Variants in SNTG2 observed in about 807,000 individuals in gnomAD.
The protein encoded by SNTG2 is syntrophin gamma 2, also known as gamma-2-syntrophin.
In SNTG2, 74 loss-of-function variants were observed where a neutral mutation model predicts 70.9. The observed-to-expected ratio is 1.04, with a 90% CI of 0.86 to 1.27. The LOEUF is 1.27. Among genes scored for constraint, SNTG2 ranks in the 50% most tolerant of loss-of-function variants. The probability of loss-of-function intolerance (pLI) is 0.00; values close to 1 mark genes in which losing one functional copy is unlikely to be tolerated. For missense variants in SNTG2, 717 were observed against 690.7 expected (o/e 1.04, Z -0.43); for synonymous variants, 278 against 273.8 (o/e 1.02, Z -0.15).
At chr2:1,210,879 A>G (rs760206823) in intron 9 of SNTG2, among the ~76,000 whole-genome samples, 3 of 152,334 alleles carry the variant, frequency 2.0e-5, no homozygotes, top group Non-Finnish European at 2.9e-5. Context: ...CCAATAGGCT[A>G]TACCATGTAG....
chr2:1,317,040 G>A (rs113533929), intron 16 of SNTG2, among the ~76,000 whole-genome samples: 2 of 90,698 alleles, frequency 2.2e-5, no homozygotes, highest in Admixed American at 1.2e-4. Flanking sequence ...GGATTCTGGA[G>A]CATTTAGCAT....
At chr2:1,146,641 G>C (rs140838879) in intron 6 of SNTG2, among the ~76,000 whole-genome samples, 1 of 152,176 alleles carries the variant, frequency 6.6e-6, no homozygotes, top group African/African-American at 2.4e-5. Context: ...CTGATTATAA[G>C]ACTTACTATA....
intron 1 of SNTG2, among the ~76,000 whole-genome samples, chr2:1,011,755 T>G (rs1352899085): frequency 6.7e-6 from 1 of 150,214 alleles, no homozygotes; most frequent in African/African-American, 2.4e-5. Flanking sequence ...ATCATTTTCA[T>G]TGGACTTTAA....
At chr2:1,059,136 C>G (rs560869828) in intron 1 of SNTG2, 5 of 152,234 alleles carry the variant, frequency 3.3e-5, no homozygotes, top group Non-Finnish European at 7.3e-5. Flanking sequence ...TCTTGCAGTG[C>G]CCTTTGCTTA....
chr2:999,202 C>A (rs1289410360), intron 1 of SNTG2, among the ~76,000 whole-genome samples: 2 of 152,034 alleles, frequency 1.3e-5, no homozygotes, highest in African/African-American at 4.8e-5. Context: ...AGAAAACTCA[C>A]AGGTCTTATA....
chr2:1,304,065 A>T (rs1395822634), intron 14 of SNTG2, among the ~76,000 whole-genome samples: 1 of 152,236 alleles, frequency 6.6e-6, no homozygotes, highest in Non-Finnish European at 1.5e-5. Flanking sequence ...ATCTTCTAGA[A>T]GAAAAAAGGA....
At chr2:1,086,770 A>G (rs1163272598) in intron 2 of SNTG2, among the ~76,000 whole-genome samples, 1 of 152,218 alleles carries the variant, frequency 6.6e-6, no homozygotes, top group Non-Finnish European at 1.5e-5. Context: ...ATGTTTCAAA[A>G]CATGAAATAG....
At chr2:951,617 T>C (rs1237036493) in intron 1 of SNTG2, among the ~76,000 whole-genome samples, 1 of 152,214 alleles carries the variant, frequency 6.6e-6, no homozygotes, top group Non-Finnish European at 1.5e-5. Context: ...TTTTTTGAAG[T>C]CTATTCTGGT....
At chr2:1,116,226 G>A (rs993265485) in intron 4 of SNTG2, among the ~76,000 whole-genome samples, 3 of 152,302 alleles carry the variant, frequency 2.0e-5, no homozygotes, top group African/African-American at 7.2e-5. Context: ...CAGAGCTATC[G>A]ATTGCTACCT....
chr2:1,154,457 T>C (rs934968318), intron 6 of SNTG2, among the ~76,000 whole-genome samples: 6 of 152,184 alleles, frequency 3.9e-5, no homozygotes, highest in African/African-American at 1.4e-4. Context: ...TAGAAAGTTC[T>C]ACATATATGT....
At chr2:1,361,842 C>T (rs1355136052) in intron 16 of SNTG2, among the ~76,000 whole-genome samples, 3 of 107,468 alleles carry the variant, frequency 2.8e-5, no homozygotes, top group African/African-American at 1.0e-4. Context: ...GTCACGGATG[C>T]TGAGCATTTC....
rs1339196404 is a variant in SNTG2 at position 1,137,627 on chromosome 2, C to T, written c.331C>T (p.Gln111Ter). ...CCACTTTTGCCACCCTGCAGCTGAC[C>T]AGACAGGGATGTTGTTCGTAGGAGA... ...SKIFEDQAAD[Q>*]TGMLFVGDAV... Residue 111 changes from glutamine (Q) to a stop codon, truncating the protein, a stop_gained, in exon 5 of 17, where the codon CAG becomes TAG. Transcript: ENST00000308624. LOFTEE classifies it high-confidence loss of function. The T allele has an allele frequency of 1.9e-6, 3 of 1,612,864 alleles. No individual in the cohort carries two copies. The highest frequency in any genetic ancestry group is 2.5e-6 in the Non-Finnish European group (3 of 1,179,608).
intron 4 of SNTG2, among the ~76,000 whole-genome samples, chr2:1,134,719 C>T (rs114390299): frequency 0.017 from 2,530 of 152,300 alleles, 63 homozygotes; most frequent in African/African-American, 0.057. Flanking sequence ...CCTGCCCCTG[C>T]GCCCGCACTC....
chr2:1,012,136 C>T (rs1191912251), intron 1 of SNTG2, among the ~76,000 whole-genome samples: 1 of 152,162 alleles, frequency 6.6e-6, no homozygotes, highest in African/African-American at 2.4e-5. Flanking sequence ...TTCTCCCTGA[C>T]AATCAATACG....
chr2:1,265,193 A>G (rs1026980260), intron 13 of SNTG2, among the ~76,000 whole-genome samples: 11 of 152,214 alleles, frequency 7.2e-5, no homozygotes, highest in Non-Finnish European at 1.5e-4. Context: ...TCAATGATGA[A>G]CATGTTGTTC....
chr2:1,318,190 G>C (rs1681374702), intron 16 of SNTG2, among the ~76,000 whole-genome samples: 1 of 151,902 alleles, frequency 6.6e-6, no homozygotes, highest in Non-Finnish European at 1.5e-5. Context: ...AACTTAATAA[G>C]ACTAAAGATT....
At chr2:1,156,026 C>T (rs1469360294) in intron 6 of SNTG2, among the ~76,000 whole-genome samples, 10 of 152,100 alleles carry the variant, frequency 6.6e-5, no homozygotes, top group Non-Finnish European at 1.3e-4. Flanking sequence ...GGAACCCCGC[C>T]GAGGAGACAA....
At chr2:1,280,481 G>C (rs1302437408) in intron 14 of SNTG2, among the ~76,000 whole-genome samples, 2 of 152,176 alleles carry the variant, frequency 1.3e-5, no homozygotes, top group African/African-American at 4.8e-5. Flanking sequence ...ATACACAACA[G>C]TTGCACAAAT....
intron 1 of SNTG2, among the ~76,000 whole-genome samples, chr2:984,943 T>C (rs1661255679): frequency 6.7e-6 from 1 of 150,128 alleles, no homozygotes; most frequent in South Asian, 2.1e-4. Context: ...TTCTTTTACA[T>C]AGTTTTCTTC....
Sources: gnomAD v4.1 joint callset for allele counts (sites outside exome capture counted in the v4.1 genomes callset) on GRCh38, gnomAD v4.1.1 for gene constraint, MANE v1.5 for transcripts, NCBI Gene and HGNC (gene_info 2026-07-23, HGNC 2026-07-21) for gene names.